The following CACNA1B variants were observed in gnomAD, a reference collection of about 807,000 sequenced individuals.
CACNA1B encodes the protein calcium voltage-gated channel subunit alpha1 B.
A neutral mutation model predicts 247.2 loss-of-function variants in CACNA1B; 70 were observed. That is an observed-to-expected ratio of 0.28 (90% CI 0.23 to 0.35). CACNA1B has a LOEUF of 0.35. Ranked by LOEUF, CACNA1B falls within the 10% of genes least tolerant of loss-of-function variation. CACNA1B has a pLI of 1.00. For synonymous variants in CACNA1B, 1,231 were observed against 1,294.4 expected, an observed-to-expected ratio of 0.95 and a Z score of 1.05; for missense variants, 2,367 against 3,197.4, an observed-to-expected ratio of 0.74 and a Z score of 6.26.
Position 137,880,495 on chromosome 9 carries a change from G to A in CACNA1B, c.390+1336G>A, listed in dbSNP as rs1284637731. On this transcript the variant is annotated intron_variant, in intron 2 of 46. Coordinates refer to ENST00000371372, the MANE Select transcript of CACNA1B (RefSeq NM_000718.4). This position sits in a 1 kb window ranked among gnomAD's most constrained non-coding sequence, Gnocchi z 4.8. ...AGGGCAGGGCCAGGGTCAGAGGGAC[G>A]CAGGCCCAGGAGCCAGGCCGGGGCG... Among the ~76,000 whole-genome samples the A allele has an allele frequency of 2.0e-5, 3 of 152,338 alleles. No individual in the cohort carries two copies. The highest frequency in any genetic ancestry group is 2.1e-4 in the South Asian group (1 of 4,830).
At position 138,073,743 on chromosome 9, in the gene CACNA1B, G is replaced by C; in HGVS notation, c.4791+139G>C. The C allele has an allele frequency of 4.6e-6, 3 of 654,816 alleles. No homozygotes were observed. The highest frequency in any genetic ancestry group is 3.6e-5 in the South Asian group (2 of 56,084). 40.6% of individuals were successfully genotyped at this position (654,816 alleles called of 1,614,324 possible). The stretch of plus-strand genomic sequence containing the variant: ...GTTTCGTGGTTGTATGCATTGTCCT[G>C]TTGTCATTTATAAAGACGTTTTAAG... On this transcript the variant is annotated intron_variant, in intron 33 of 46. Transcript: ENST00000371372. This position sits in a 1 kb window ranked among gnomAD's most constrained non-coding sequence, Gnocchi z 6.4.
At chr9:138,078,064 G>T (rs199912940) in intron 35 of CACNA1B, 50 bp from the exon 36 acceptor site, 1 of 1,584,224 alleles carries the variant, frequency 6.3e-7, no homozygotes, top group Non-Finnish European at 8.6e-7. Context: ...ACAGGGCTCG[G>T]GCTCCCTCAA....
chr9:138,115,738 G>A, intron 42 of CACNA1B, 59 bp downstream of exon 42: 1 of 1,520,976 alleles, frequency 6.6e-7, no homozygotes, highest in Non-Finnish European at 8.9e-7. Context: ...CAGTAAAGGG[G>A]GAAGCAGACA....
intron 10 of CACNA1B, among the ~76,000 whole-genome samples, chr9:137,958,884 C>T (rs1160318775): frequency 6.6e-6 from 1 of 152,094 alleles, no homozygotes; most frequent in South Asian, 2.1e-4. Flanking sequence ...TCCTACTGTC[C>T]GTGATGCTGG....
rs1957384994 is a variant in CACNA1B at position 137,914,001 on chromosome 9, T to G, written c.623-653T>G. 6.6e-6 allele frequency among the ~76,000 whole-genome samples: 1 copy of G among 152,222 alleles called. No homozygotes were observed. The highest frequency in any genetic ancestry group is 2.4e-5 in the African/African-American group (1 of 41,468). ...GGAGGGGTCAAGGTTTACAGGCTCC[T>G]CTGCCCAGTTCCTCACATGCTGTAT... On this transcript the variant is annotated intron_variant, in intron 4 of 46. Transcript: ENST00000371372. This position sits in a 1 kb window ranked among gnomAD's most constrained non-coding sequence, Gnocchi z 4.3.
chr9:138,033,114 A>G (rs948397303), intron 20 of CACNA1B, among the ~76,000 whole-genome samples: 5 of 151,954 alleles, frequency 3.3e-5, no homozygotes, highest in African/African-American at 1.2e-4. Flanking sequence ...CATTTCTATT[A>G]TTCTATCTTC....
chr9:138,090,701 CAAAAAAAAAAAAAAAAAAAAA>C (rs1173964720), intron 36 of CACNA1B, among the ~76,000 whole-genome samples: 5 of 16,586 alleles, frequency 3.0e-4, no homozygotes, highest in African/African-American at 1.3e-3. Flanking sequence ...AACCCATCAG[CAAAAAAAAAAAAAAAAAAAAA>C]AAAAAAAAAA....
chr9:138,033,254 C>A (rs1959006006), intron 20 of CACNA1B, among the ~76,000 whole-genome samples: 1 of 152,026 alleles, frequency 6.6e-6, no homozygotes, highest in African/African-American at 2.4e-5. Flanking sequence ...CTTTTTCTTT[C>A]CTGAGACTTT....
intron 20 of CACNA1B, among the ~76,000 whole-genome samples, chr9:138,036,519 T>G (rs1303281854): frequency 2.0e-5 from 3 of 152,354 alleles, no homozygotes; most frequent in African/African-American, 7.2e-5. Context: ...TGCCATTGTT[T>G]GTGAGACGTG....
rs1958416510 is a variant in CACNA1B at position 137,990,236 on chromosome 9, T to C, written c.1974+3382T>C. Among the ~76,000 whole-genome samples, 1 of 151,988 alleles carries C rather than the reference T, an allele frequency of 6.6e-6. No homozygotes were observed. The highest frequency in any genetic ancestry group is 2.4e-5 in the African/African-American group (1 of 41,348). On this transcript the variant is annotated intron_variant, in intron 15 of 46. Transcript: ENST00000371372. This position sits in a 1 kb window ranked among gnomAD's most constrained non-coding sequence, Gnocchi z 4.5. ...CCTGTATGACTAATGGCCTTAATCC[T>C]CCTGGGAACATAACTCCATTGGACT...
At chr9:138,099,814 ATTG>A (rs1296210245) in intron 37 of CACNA1B, among the ~76,000 whole-genome samples, 6 of 152,088 alleles carry the variant, frequency 3.9e-5, no homozygotes, top group Non-Finnish European at 5.9e-5. Context: ...CAGCCTTCCT[ATTG>A]TTGTTGCTTC....
chr9:138,037,396 CAT>C (rs1959059724), intron 20 of CACNA1B, among the ~76,000 whole-genome samples: 1 of 152,214 alleles, frequency 6.6e-6, no homozygotes, highest in Non-Finnish European at 1.5e-5. Context: ...CAGTGGCTCA[CAT>C]GTGTAATCCC....
At position 137,879,076 on chromosome 9, in the gene CACNA1B, G is replaced by A. The variant is rs758138745; in HGVS notation, c.307G>A (p.Ala103Thr). ...EWPPFEYMIL[A>T]TIIANCIVLA... Reference sequence around the variant, plus strand: ...CACTCCATTCGAGTATATGATCCTGGCCACCATCATCGCCAACTGCATCGT... The same window carrying A: ...CACTCCATTCGAGTATATGATCCTGACCACCATCATCGCCAACTGCATCGT... The change falls in exon 2 of 47, where the codon GCC becomes ACC. Residue 103 changes from alanine to threonine, a missense_variant. Around this residue, in one of 12 missense-constraint regions of CACNA1B, gnomAD observed 130 missense variants for 338.7 expected, o/e 0.38. Transcript: ENST00000371372. The A allele has an allele frequency of 6.2e-7, 1 of 1,611,936 alleles. No individual in the cohort carries two copies. The highest frequency in any genetic ancestry group is 8.5e-7 in the Non-Finnish European group (1 of 1,178,842).
At chr9:138,105,528 G>C (rs1045383514) in intron 38 of CACNA1B, among the ~76,000 whole-genome samples, 171 bp from the exon 39 acceptor site, 1 of 152,156 alleles carries the variant, frequency 6.6e-6, no homozygotes, top group Non-Finnish European at 1.5e-5. Context: ...CCAGGGGAGA[G>C]TGTGAATGCT....
chr9:138,053,766 A>T, intron 25 of CACNA1B, 80 bp from the exon 26 acceptor site: 8 of 667,862 alleles, frequency 1.2e-5, no homozygotes, highest in Non-Finnish European at 1.6e-5. Context: ...CCTCCCCGTG[A>T]CCCTACCCTT....
rs955329793 is a variant in CACNA1B, at chr9:137,933,608, T to C, written c.966+16177T>C. Among the ~76,000 whole-genome samples the C allele has an allele frequency of 8.5e-5, 13 of 152,334 alleles. No homozygotes were observed. The South Asian group carries it at 1.7e-3, about 19-fold the overall frequency. On this transcript the variant is annotated intron_variant, in intron 6 of 46. Coordinates refer to ENST00000371372, the MANE Select transcript of CACNA1B (RefSeq NM_000718.4). Reference sequence around the variant, plus strand: ...GGCTCATTAGTTTGAAGAGAGTTCCTCCTTTGTAGTTAGGGTGATAGGTCA... The same window carrying C: ...GGCTCATTAGTTTGAAGAGAGTTCCCCCTTTGTAGTTAGGGTGATAGGTCA...
At chr9:137,996,397 G>A (rs545450659) in intron 15 of CACNA1B, among the ~76,000 whole-genome samples, 2 of 152,340 alleles carry the variant, frequency 1.3e-5, no homozygotes, top group African/African-American at 4.8e-5. Context: ...TATTGTAAGT[G>A]AAGTAAGTCA....
At chr9:138,079,513 C>T (rs563095235) in intron 36 of CACNA1B, among the ~76,000 whole-genome samples, 20 of 152,164 alleles carry the variant, frequency 1.3e-4, no homozygotes, top group Admixed American at 2.6e-4. Flanking sequence ...GAAGCCCAGG[C>T]GGACAGATCA....
chr9:137,907,189 T>C (rs1019340860), intron 3 of CACNA1B, among the ~76,000 whole-genome samples: 8 of 152,250 alleles, frequency 5.3e-5, no homozygotes, highest in African/African-American at 1.7e-4. Context: ...TTAACATTAT[T>C]TTAAACATTT....
Sources: gnomAD v4.1 joint callset for allele counts (sites outside exome capture counted in the v4.1 genomes callset) on GRCh38, gnomAD v4.1.1 for gene constraint, gnomAD v4.1.1 regional missense constraint, Gnocchi (gnomAD v3.1) non-coding constraint, MANE v1.5 for transcripts, NCBI Gene and HGNC (gene_info 2026-07-23, HGNC 2026-07-21) for gene names.